CAB39: variants seen among roughly 807,000 people sequenced by gnomAD.
CAB39 encodes the protein calcium-binding protein 39.
In CAB39, 8 loss-of-function variants were observed where a neutral mutation model predicts 40.0. The ratio of observed to expected loss-of-function variants is 0.20; its 90% CI spans 0.12 to 0.36. CAB39 has a LOEUF of 0.36. Among genes scored for constraint, CAB39 ranks in the 10% least tolerant of loss-of-function variants. CAB39 has a pLI of 1.00. For missense variants in CAB39, 270 were observed against 401.1 expected, an observed-to-expected ratio of 0.67 and a Z score of 2.79; for synonymous variants, 156 against 141.6, an observed-to-expected ratio of 1.10 and a Z score of -0.72.
rs532327963 is a variant in CAB39, at chr2:230,742,950, C to T, written c.-43-17009C>T. Reference sequence around the variant, plus strand: ...CTTTGTGTTTTGACTCTCAGACTGCCTTATCAGAGTCACTCAGAATCTTCC... The same window carrying T: ...CTTTGTGTTTTGACTCTCAGACTGCTTTATCAGAGTCACTCAGAATCTTCC... On this transcript the variant is annotated intron_variant, in intron 1 of 8. Transcript: ENST00000258418. Among the ~76,000 whole-genome samples, 5 of 152,276 alleles carry T rather than the reference C, an allele frequency of 3.3e-5. No individual in the cohort carries two copies. In the East Asian group the frequency reaches 9.6e-4, roughly 29 times the overall value.
Position 230,744,119 on chromosome 2 carries a change from A to G in CAB39, c.-43-15840A>G, listed in dbSNP as rs573069355. ...AATTTTTAGTAGAAACGGGTTCACC[A>G]TTTTGGCCAGGCTGCTCTGGAACTC... On this transcript the variant is annotated intron_variant, in intron 1 of 8. Coordinates refer to ENST00000258418, the MANE Select transcript of CAB39 (RefSeq NM_016289.4). Among the ~76,000 whole-genome samples, 28 of 151,980 alleles carry G rather than the reference A, an allele frequency of 1.8e-4. No homozygotes were observed. In the South Asian group the frequency reaches 5.2e-3, roughly 28 times the overall value.
intron 1 of CAB39, chr2:230,725,093 G>A (rs527918160): frequency 8.8e-6 from 14 of 1,592,266 alleles, no homozygotes; most frequent in African/African-American, 4.0e-5. Context: ...GTCCCTACTC[G>A]GCTGCAAACT....
At chr2:230,740,536 A>G (rs1030460538) in intron 1 of CAB39, among the ~76,000 whole-genome samples, 4 of 152,314 alleles carry the variant, frequency 2.6e-5, no homozygotes, top group African/African-American at 9.6e-5. Context: ...CGTGGAAGAC[A>G]GTTTTTCCAC....
At chr2:230,815,367 C>A (rs1575966449) in intron 7 of CAB39, among the ~76,000 whole-genome samples, 1 of 152,174 alleles carries the variant, frequency 6.6e-6, no homozygotes, top group East Asian at 1.9e-4. Context: ...AACTTCCTGG[C>A]AGCTGTGGGA....
At chr2:230,767,327 GA>G (rs1185513718) in intron 2 of CAB39, among the ~76,000 whole-genome samples, 2 of 151,204 alleles carry the variant, frequency 1.3e-5, no homozygotes, top group East Asian at 1.9e-4. Context: ...TTTATCTGGA[GA>G]AAAAAAAAGT....
intron 5 of CAB39, among the ~76,000 whole-genome samples, chr2:230,800,155 T>G (rs551171045): frequency 1.3e-5 from 2 of 152,266 alleles, no homozygotes; most frequent in East Asian, 3.9e-4. Context: ...TTCATTTTCA[T>G]GATTATGAAA....
chr2:230,798,687 C>T, intron 4 of CAB39, 42 bp from the exon 5 acceptor site: 1 of 1,534,658 alleles, frequency 6.5e-7, no homozygotes, highest in Non-Finnish European at 8.8e-7. Context: ...TTTGAAAAAG[C>T]AATCATGTTT....
intron 4 of CAB39, among the ~76,000 whole-genome samples, chr2:230,794,855 T>C (rs1273718029): frequency 6.6e-6 from 1 of 152,164 alleles, no homozygotes. Flanking sequence ...TCAGTATGCA[T>C]CCCTAGTACG....
intron 2 of CAB39, among the ~76,000 whole-genome samples, chr2:230,774,330 T>TAA (rs1348228992): frequency 6.6e-6 from 1 of 152,250 alleles, no homozygotes; most frequent in African/African-American, 2.4e-5. Flanking sequence ...GGTACATAGT[T>TAA]ACCACATTAA....
intron 1 of CAB39, among the ~76,000 whole-genome samples, chr2:230,729,065 C>T (rs1006707533): frequency 2.6e-5 from 4 of 152,160 alleles, no homozygotes; most frequent in Admixed American, 2.6e-4. Flanking sequence ...TCCCCTCAGC[C>T]TGAAGAAAGA....
intron 2 of CAB39, among the ~76,000 whole-genome samples, chr2:230,769,778 A>G (rs1214638486): frequency 6.6e-6 from 1 of 151,652 alleles, no homozygotes; most frequent in South Asian, 2.1e-4. Flanking sequence ...CAGGAGTTGG[A>G]GACCAGCCTG....
intron 1 of CAB39, among the ~76,000 whole-genome samples, chr2:230,718,186 A>G (rs1386626948): frequency 1.3e-5 from 2 of 152,228 alleles, no homozygotes; most frequent in Non-Finnish European, 2.9e-5. Flanking sequence ...GAAGTATGAT[A>G]CTGTTAAAAG....
intron 1 of CAB39, among the ~76,000 whole-genome samples, chr2:230,719,794 A>G (rs1262373480): frequency 6.6e-6 from 1 of 152,004 alleles, no homozygotes; most frequent in African/African-American, 2.4e-5. Flanking sequence ...TCTTACCCTT[A>G]TTTTCAGTGA....
chr2:230,741,129 C>G (rs567954234), intron 1 of CAB39, among the ~76,000 whole-genome samples: 2 of 152,316 alleles, frequency 1.3e-5, no homozygotes, highest in Admixed American at 1.3e-4. Context: ...TTATCTCCCT[C>G]TGACAAAACC....
intron 1 of CAB39, among the ~76,000 whole-genome samples, chr2:230,729,679 G>A (rs191738297): frequency 6.6e-5 from 10 of 152,132 alleles, no homozygotes; most frequent in East Asian, 1.9e-4. Flanking sequence ...CTTGAACCCG[G>A]GAGGTGGAGG....
intron 1 of CAB39, among the ~76,000 whole-genome samples, chr2:230,745,183 T>C (rs1694950669): frequency 6.6e-6 from 1 of 152,240 alleles, no homozygotes; most frequent in African/African-American, 2.4e-5. Context: ...ATTTAATACT[T>C]TAGATTACCA....
At chr2:230,727,699 G>A (rs916469775) in intron 1 of CAB39, among the ~76,000 whole-genome samples, 2 of 151,924 alleles carry the variant, frequency 1.3e-5, no homozygotes, top group African/African-American at 4.8e-5. Context: ...ACAGGTGTAA[G>A]CCTCTGTGCC....
At chr2:230,803,609 A>T (rs1415523684) in intron 5 of CAB39, among the ~76,000 whole-genome samples, 1 of 152,214 alleles carries the variant, frequency 6.6e-6, no homozygotes, top group African/African-American at 2.4e-5. Context: ...TTATACACCA[A>T]TAACAGACAG....
intron 2 of CAB39, among the ~76,000 whole-genome samples, chr2:230,771,423 G>A (rs973100668): frequency 3.3e-5 from 5 of 152,022 alleles, no homozygotes; most frequent in East Asian, 1.9e-4. Context: ...GGATAAATCT[G>A]ACAAAGGAAG....
Sources: gnomAD v4.1 joint callset for allele counts (sites outside exome capture counted in the v4.1 genomes callset) on GRCh38, gnomAD v4.1.1 for gene constraint, MANE v1.5 for transcripts, NCBI Gene and HGNC (gene_info 2026-07-23, HGNC 2026-07-21) for gene names.